Variants in RANBP2 observed in about 807,000 individuals in gnomAD.
RANBP2 encodes E3 SUMO-protein ligase RanBP2.
In RANBP2, 57 loss-of-function variants were observed where a neutral mutation model predicts 303.6. That is an observed-to-expected ratio of 0.19 (90% CI 0.15 to 0.23). The LOEUF (loss-of-function observed/expected upper bound fraction) is 0.23, where lower values mean the gene tolerates loss of function less well. Among genes scored for constraint, RANBP2 ranks in the 10% least tolerant of loss-of-function variants. The pLI is 1.00. For missense variants in RANBP2, 3,138 were observed against 3,780.8 expected, an observed-to-expected ratio of 0.83 and a Z score of 4.46; for synonymous variants, 1,167 against 1,301.5, an observed-to-expected ratio of 0.90 and a Z score of 2.23.
the RANBP2 span, among the ~76,000 whole-genome samples, chr2:109,434,494 G>A: frequency 2.0e-5 from 3 of 152,236 alleles, no homozygotes; most frequent in Admixed American, 2.0e-4. Context: ...CTCCTGACGT[G>A]TGTCAGTCAG....
chr2:109,246,533 T>C, the RANBP2 span, among the ~76,000 whole-genome samples: 3 of 152,228 alleles, frequency 2.0e-5, no homozygotes, highest in African/African-American at 7.2e-5. Flanking sequence ...GTCCATTGCA[T>C]ACTCCAAGGA....
the RANBP2 span, among the ~76,000 whole-genome samples, chr2:109,742,995 G>A: frequency 6.7e-6 from 1 of 148,544 alleles, no homozygotes; most frequent in Non-Finnish European, 1.5e-5. Context: ...ATCTAGCCAG[G>A]CATGGTGGCT....
the RANBP2 span, among the ~76,000 whole-genome samples, chr2:109,365,962 A>G: frequency 6.6e-6 from 1 of 152,258 alleles, no homozygotes; most frequent in South Asian, 2.1e-4. Context: ...TAGAAGCACA[A>G]GAAAATTACA....
chr2:109,598,357 T>G, the RANBP2 span, among the ~76,000 whole-genome samples: 1 of 151,928 alleles, frequency 6.6e-6, no homozygotes, highest in Non-Finnish European at 1.5e-5. Flanking sequence ...CGTGAGCCAC[T>G]GCGCCCGGCC....
the RANBP2 span, among the ~76,000 whole-genome samples, chr2:109,597,142 T>C: frequency 2.0e-5 from 3 of 152,148 alleles, no homozygotes; most frequent in African/African-American, 7.2e-5. Flanking sequence ...GATCTCACTC[T>C]GTTGCCCAGG....
At chr2:109,295,663 G>A in the RANBP2 span, among the ~76,000 whole-genome samples, 2,359 of 152,322 alleles carry the variant, frequency 0.015, 48 homozygotes, top group African/African-American at 0.054. Context: ...ACAGGGGCCT[G>A]CTGCCTGGTT....
the RANBP2 span, among the ~76,000 whole-genome samples, chr2:109,550,290 CA>C: frequency 1.3e-4 from 20 of 149,192 alleles, no homozygotes; most frequent in Non-Finnish European, 2.7e-4. Context: ...GACTCAGTCT[CA>C]AAAAACAAAA....
the RANBP2 span, among the ~76,000 whole-genome samples, chr2:109,017,998 T>A: frequency 3.0e-4 from 45 of 152,338 alleles, no homozygotes; most frequent in Non-Finnish European, 5.4e-4. Flanking sequence ...AAATGACAGA[T>A]GCAGGCTTGA....
At chr2:108,873,691 T>C in the RANBP2 span, 38 of 679,216 alleles carry the variant, frequency 5.6e-5, no homozygotes, top group South Asian at 8.4e-4. Flanking sequence ...CCACACTGGA[T>C]GAAGAAGAAT....
the RANBP2 span, among the ~76,000 whole-genome samples, chr2:109,335,977 G>A: frequency 6.6e-6 from 1 of 152,190 alleles, no homozygotes; most frequent in Admixed American, 6.5e-5. Flanking sequence ...CTGATAGCAC[G>A]ATGTTGTCGA....
chr2:108,720,027 C>G (rs1173553289), intron 1 of RANBP2: 2 of 985,264 alleles, frequency 2.0e-6, no homozygotes, highest in Non-Finnish European at 2.4e-6. Flanking sequence ...GCTTGGGCAC[C>G]CGGGTGCTGT....
the RANBP2 span, among the ~76,000 whole-genome samples, chr2:109,384,737 G>A: frequency 6.6e-6 from 1 of 152,158 alleles, no homozygotes; most frequent in African/African-American, 2.4e-5. Flanking sequence ...AATGCATGTG[G>A]AGGGAGCCTT....
At chr2:109,449,308 C>G in the RANBP2 span, 2 of 1,608,268 alleles carry the variant, frequency 1.2e-6, no homozygotes. Flanking sequence ...AGCCACCAGC[C>G]CCCGGTGCAG....
the RANBP2 span, among the ~76,000 whole-genome samples, chr2:108,989,923 T>G: frequency 4.1e-3 from 622 of 152,264 alleles, 26 homozygotes; most frequent in East Asian, 0.093. Flanking sequence ...CAGGCTAGAT[T>G]TCTGTGTTCT....
downstream of RANBP2, chr2:108,786,732 G>T: frequency 8.2e-7 from 1 of 1,217,782 alleles, no homozygotes; most frequent in Non-Finnish European, 1.2e-6. Flanking sequence ...GGGGGGGCGG[G>T]GTCTGGCACG....
chr2:109,323,273 G>A, the RANBP2 span, among the ~76,000 whole-genome samples: 2 of 152,196 alleles, frequency 1.3e-5, no homozygotes, highest in Non-Finnish European at 2.9e-5. Flanking sequence ...TGTATAGCAG[G>A]CACTGACTGG....
the RANBP2 span, among the ~76,000 whole-genome samples, chr2:109,227,160 A>G: frequency 5.3e-5 from 8 of 152,156 alleles, no homozygotes; most frequent in Non-Finnish European, 1.0e-4. Context: ...TGGCAGTGGC[A>G]GTGGTTGGCT....
the RANBP2 span, among the ~76,000 whole-genome samples, chr2:108,952,475 C>T: frequency 6.6e-6 from 1 of 152,196 alleles, no homozygotes. Flanking sequence ...TTCACTGCTT[C>T]TCTCTTCTAC....
chr2:108,851,230 A>G, the RANBP2 span, among the ~76,000 whole-genome samples: 22 of 152,180 alleles, frequency 1.4e-4, no homozygotes, highest in African/African-American at 5.1e-4. Flanking sequence ...ACCACGCTCC[A>G]GAAATCTCCA....
Sources: gnomAD v4.1 joint callset for allele counts (sites outside exome capture counted in the v4.1 genomes callset) on GRCh38, gnomAD v4.1.1 for gene constraint, MANE v1.5 for transcripts, NCBI Gene and HGNC (gene_info 2026-07-23, HGNC 2026-07-21) for gene names.